BACE2: variants seen among roughly 807,000 people sequenced by gnomAD.
BACE2 encodes the protein 56 kDa aspartic-like protease.
BACE2 carries 17 observed loss-of-function variants against 46.2 expected under a neutral mutation model. The observed-to-expected ratio is 0.37, with a 90% CI of 0.25 to 0.55. BACE2 has a LOEUF of 0.55. Ranked by LOEUF, BACE2 falls within the 20% of genes least tolerant of loss-of-function variation. The pLI, the probability that BACE2 is intolerant of heterozygous loss-of-function variation, is 0.82. For missense variants in BACE2, 595 were observed against 698.1 expected (o/e 0.85, Z 1.66); for synonymous variants, 277 against 295.9 (o/e 0.94, Z 0.66).
At chr21:41,216,543 C>T (rs1243552916) in intron 1 of BACE2, among the ~76,000 whole-genome samples, 2 of 152,330 alleles carry the variant, frequency 1.3e-5, no homozygotes, top group East Asian at 3.9e-4. Flanking sequence ...ATTTGTGTTC[C>T]CTGCCTCTGC....
intron 5 of BACE2, among the ~76,000 whole-genome samples, chr21:41,244,777 T>G (rs1378594531): frequency 7.9e-5 from 12 of 152,332 alleles, no homozygotes; most frequent in Admixed American, 7.8e-4. Flanking sequence ...TGCAAATCTG[T>G]GTTTATTGTC....
At chr21:41,179,000 G>T in intron 1 of BACE2, 1 of 898,000 alleles carries the variant, frequency 1.1e-6, no homozygotes, top group Non-Finnish European at 1.5e-6. Flanking sequence ...ATTGGCTTGA[G>T]GAGGACTGAG....
At chr21:41,174,847 G>A (rs1296352150) in intron 1 of BACE2, among the ~76,000 whole-genome samples, 1 of 152,174 alleles carries the variant, frequency 6.6e-6, no homozygotes, top group Admixed American at 6.5e-5. Context: ...CAGCCTTGGT[G>A]AGACACTGGG....
rs369361949 is a variant in BACE2 at position 41,243,373 on chromosome 21, C to T, written c.748-3C>T. The T allele has an allele frequency of 6.3e-7, 1 of 1,591,198 alleles. No homozygotes were observed. On this transcript the variant is annotated splice_region_variant and splice_polypyrimidine_tract_variant and intron_variant, in intron 4 of 8. Transcript: ENST00000330333. The stretch of plus-strand genomic sequence containing the variant: ...TTATACCTGTAAATATTTCCTGTCC[C>T]AGGTCTTGGGTGGAATTGAACCAAG...
At chr21:41,221,521 G>C (rs1013615497) in intron 1 of BACE2, among the ~76,000 whole-genome samples, 1 of 152,052 alleles carries the variant, frequency 6.6e-6, no homozygotes, top group Non-Finnish European at 1.5e-5. Context: ...TTTTGTTGTC[G>C]ATTCCACAAA....
chr21:41,217,080 T>C (rs909266373), intron 1 of BACE2, among the ~76,000 whole-genome samples: 2 of 152,134 alleles, frequency 1.3e-5, no homozygotes, highest in African/African-American at 4.8e-5. Flanking sequence ...TACAGGTGTG[T>C]GCCACCACGC....
intron 4 of BACE2, 91 bp downstream of exon 4, chr21:41,242,038 G>C: frequency 6.5e-7 from 1 of 1,545,312 alleles, no homozygotes; most frequent in Non-Finnish European, 8.8e-7. Flanking sequence ...AGAAATATTA[G>C]GCATGTAGGT....
intron 1 of BACE2, among the ~76,000 whole-genome samples, chr21:41,192,581 C>T (rs1985611480): frequency 6.6e-6 from 1 of 152,190 alleles, no homozygotes; most frequent in South Asian, 2.1e-4. Flanking sequence ...GGGCCTTGCT[C>T]CAATATTCTA....
chr21:41,241,638 G>A (rs1302627938), intron 3 of BACE2, 181 bp from the exon 4 acceptor site: 1 of 609,886 alleles, frequency 1.6e-6, no homozygotes, highest in African/African-American at 1.9e-5. Context: ...GCCAACCAGT[G>A]GGAAGCTCTG....
chr21:41,219,301 G>T (rs1412230090), intron 1 of BACE2, among the ~76,000 whole-genome samples: 2 of 152,152 alleles, frequency 1.3e-5, no homozygotes, highest in Non-Finnish European at 2.9e-5. Flanking sequence ...TAGATGTAAA[G>T]CTTGCAGTTC....
At chr21:41,274,010 C>T (rs758621297) in intron 8 of BACE2, among the ~76,000 whole-genome samples, 14 of 152,128 alleles carry the variant, frequency 9.2e-5, no homozygotes, top group Non-Finnish European at 1.5e-4. Flanking sequence ...GATTAGGTCA[C>T]GAGGGCAGAG....
rs760691877 is a variant in BACE2 at position 41,168,476 on chromosome 21, C to T, written c.213C>T (p.Pro71=). The T allele has an allele frequency of 8.7e-6, 12 of 1,385,756 alleles. No homozygotes were observed. The highest frequency in any genetic ancestry group is 1.9e-5 in the South Asian group (1 of 53,954). The allele number at this position is 1,385,756 out of a possible 1,614,324, so 85.8% of individuals were successfully genotyped here. The change falls in exon 1 of 9, where the codon CCC becomes CCT. Residue 71 remains proline (P), a synonymous_variant. Coordinates refer to ENST00000330333, the MANE Select transcript of BACE2 (RefSeq NM_012105.5). ...ALALEPALAS[P]AGAANFLAMV... is the part of the protein sequence containing the mutation. ...CCCTGGAGCCTGCCCTGGCGTCCCC[C>T]GCGGGCGCCGCCAACTTCTTGGCCA...
chr21:41,254,323 C>A (rs1028209835), intron 7 of BACE2, among the ~76,000 whole-genome samples: 1 of 152,154 alleles, frequency 6.6e-6, no homozygotes, highest in African/African-American at 2.4e-5. Flanking sequence ...AGTGTGGTCA[C>A]ATGGCAGCCC....
intron 1 of BACE2, chr21:41,177,239 G>A (rs1263225312): frequency 6.6e-6 from 1 of 152,240 alleles, no homozygotes; most frequent in African/African-American, 2.4e-5. Flanking sequence ...TGGAGGACGT[G>A]TGCCTGCCTC....
chr21:41,262,791 T>G (rs1302026329), intron 8 of BACE2, among the ~76,000 whole-genome samples: 8 of 152,178 alleles, frequency 5.3e-5, no homozygotes, highest in African/African-American at 1.9e-4. Flanking sequence ...ACATTGCATT[T>G]CTTGTGAGTT....
intron 1 of BACE2, among the ~76,000 whole-genome samples, chr21:41,213,547 G>A (rs1464175724): frequency 6.6e-6 from 1 of 152,192 alleles, no homozygotes; most frequent in Non-Finnish European, 1.5e-5. Flanking sequence ...GGCCAAGGCG[G>A]GCGGATCACC....
chr21:41,223,353 C>CAAAAAAAAAAAAAAA, intron 1 of BACE2, among the ~76,000 whole-genome samples: 1 of 127,452 alleles, frequency 7.8e-6, no homozygotes, highest in African/African-American at 2.8e-5. Flanking sequence ...GAGACACTGT[C>CAAAAAAAAAAAAAAA]AAAAAAAAAA....
intron 8 of BACE2, among the ~76,000 whole-genome samples, chr21:41,259,781 C>T (rs1294830903): frequency 6.6e-6 from 1 of 151,842 alleles, no homozygotes; most frequent in East Asian, 1.9e-4. Context: ...CTCTCTATCA[C>T]CTTCTGCAGT....
At chr21:41,228,873 A>G (rs774893179) in intron 2 of BACE2, among the ~76,000 whole-genome samples, 5 of 152,260 alleles carry the variant, frequency 3.3e-5, no homozygotes, top group Non-Finnish European at 7.3e-5. Flanking sequence ...GGATTTCCAT[A>G]GTAGCGAATA....
Sources: gnomAD v4.1 joint callset for allele counts (sites outside exome capture counted in the v4.1 genomes callset) on GRCh38, gnomAD v4.1.1 for gene constraint, MANE v1.5 for transcripts, NCBI Gene and HGNC (gene_info 2026-07-23, HGNC 2026-07-21) for gene names.